The following LUZP2 variants were observed in gnomAD, a reference collection of about 807,000 sequenced individuals.
LUZP2 encodes the protein leucine zipper protein 2.
A neutral mutation model predicts 51.6 loss-of-function variants in LUZP2; 52 were observed. That is an observed-to-expected ratio of 1.01 (90% CI 0.81 to 1.27). LUZP2 has a LOEUF of 1.27. Among genes scored for constraint, LUZP2 ranks in the 50% most tolerant of loss-of-function variants. LUZP2 has a pLI of 0.00. For missense variants in LUZP2, 436 were observed against 395.4 expected (o/e 1.10, Z -0.87); for synonymous variants, 154 against 137.3 (o/e 1.12, Z -0.85).
At chr11:24,531,406 C>G (rs955977630) in intron 1 of LUZP2, among the ~76,000 whole-genome samples, 1 of 150,690 alleles carries the variant, frequency 6.6e-6, no homozygotes, top group Non-Finnish European at 1.5e-5. Flanking sequence ...GCAAATATAT[C>G]ATCTCATTTA....
intron 10 of LUZP2, among the ~76,000 whole-genome samples, chr11:25,055,714 T>C (rs1001427886): frequency 4.6e-5 from 7 of 152,226 alleles, no homozygotes; most frequent in South Asian, 2.1e-4. Context: ...GGTTCAACAA[T>C]GACGAATGGA....
chr11:24,637,389 CG>C (rs1855140656), intron 1 of LUZP2, among the ~76,000 whole-genome samples: 5 of 151,672 alleles, frequency 3.3e-5, no homozygotes, highest in African/African-American at 1.2e-4. Context: ...GTTGGTAAAA[CG>C]TGTATTTGAA....
chr11:24,619,395 C>T (rs1447372925), intron 1 of LUZP2, among the ~76,000 whole-genome samples: 1 of 152,230 alleles, frequency 6.6e-6, no homozygotes, highest in East Asian at 1.9e-4. Flanking sequence ...CTGTACTAGA[C>T]TCCCAAATCC....
At chr11:24,820,232 G>C (rs1439157802) in intron 5 of LUZP2, among the ~76,000 whole-genome samples, 2 of 152,114 alleles carry the variant, frequency 1.3e-5, no homozygotes, top group African/African-American at 4.8e-5. Context: ...GGTGGCACTG[G>C]TGCCATGTCA....
At chr11:24,693,905 G>A (rs1263131261) in intron 1 of LUZP2, among the ~76,000 whole-genome samples, 2 of 151,890 alleles carry the variant, frequency 1.3e-5, no homozygotes, top group Admixed American at 6.6e-5. Context: ...AGGCAGTGTA[G>A]AGCAAACAGA....
chr11:24,757,991 C>T (rs1415456092), intron 4 of LUZP2, among the ~76,000 whole-genome samples: 1 of 151,994 alleles, frequency 6.6e-6, no homozygotes, highest in East Asian at 1.9e-4. Context: ...TTTTCAATGA[C>T]CAATTAATTC....
chr11:24,835,389 A>AT (rs926789964), intron 5 of LUZP2, among the ~76,000 whole-genome samples: 6 of 152,074 alleles, frequency 3.9e-5, no homozygotes, highest in Non-Finnish European at 8.8e-5. Flanking sequence ...CATTCAGGAC[A>AT]TAGGCATGGG....
chr11:24,913,669 TTGTG>T (rs35901522), intron 6 of LUZP2, among the ~76,000 whole-genome samples: 38 of 148,538 alleles, frequency 2.6e-4, no homozygotes, highest in African/African-American at 5.7e-4. Context: ...ATCTATTTAT[TTGTG>T]TGTGTGTGTG....
At chr11:24,737,498 G>A (rs537824360) in intron 3 of LUZP2, among the ~76,000 whole-genome samples, 28 of 108,960 alleles carry the variant, frequency 2.6e-4, no homozygotes, top group Middle Eastern at 4.9e-3. Context: ...GTGATAGCTC[G>A]AGTAAAAAAA....
At chr11:24,981,711 T>A (rs899730124) in intron 8 of LUZP2, among the ~76,000 whole-genome samples, 2 of 151,820 alleles carry the variant, frequency 1.3e-5, no homozygotes, top group African/African-American at 2.4e-5. Flanking sequence ...CGAGTAGAGA[T>A]ATAGGCTAAT....
At chr11:25,051,019 T>G (rs1858493443) in intron 10 of LUZP2, among the ~76,000 whole-genome samples, 1 of 152,202 alleles carries the variant, frequency 6.6e-6, no homozygotes, top group Non-Finnish European at 1.5e-5. Context: ...ACAACAATTG[T>G]GTTCAAAATT....
intron 9 of LUZP2, among the ~76,000 whole-genome samples, chr11:24,995,086 T>C (rs1264994299): frequency 6.6e-6 from 1 of 152,238 alleles, no homozygotes; most frequent in East Asian, 1.9e-4. Context: ...ATATAGGTTT[T>C]GCTTTTAAAA....
intron 1 of LUZP2, among the ~76,000 whole-genome samples, chr11:24,658,708 G>C (rs1855906098): frequency 6.6e-6 from 1 of 151,900 alleles, no homozygotes; most frequent in South Asian, 2.1e-4. Context: ...AATCTACAAT[G>C]AACTCAAACA....
intron 1 of LUZP2, among the ~76,000 whole-genome samples, chr11:24,671,561 T>TACACACACAC (rs61319296): frequency 6.8e-5 from 10 of 148,026 alleles, no homozygotes; most frequent in African/African-American, 2.5e-4. Flanking sequence ...CTCTCTGTCT[T>TACACACACAC]ACACACACAC....
At chr11:24,501,779 C>A (rs1487891913) in intron 1 of LUZP2, among the ~76,000 whole-genome samples, 3 of 152,118 alleles carry the variant, frequency 2.0e-5, no homozygotes, top group Non-Finnish European at 4.4e-5. Context: ...TATGTATATC[C>A]ATAATCTAGT....
chr11:24,943,897 A>T (rs1227455576), intron 7 of LUZP2, among the ~76,000 whole-genome samples: 2 of 143,664 alleles, frequency 1.4e-5, no homozygotes, highest in Non-Finnish European at 3.0e-5. Context: ...AAAAAAAAAA[A>T]TCATTAAGTG....
intron 1 of LUZP2, among the ~76,000 whole-genome samples, chr11:24,674,775 C>T (rs79661086): frequency 0.015 from 2,294 of 152,274 alleles, 48 homozygotes; most frequent in African/African-American, 0.046. Context: ...TTCTCCCTCT[C>T]CTGCCTGCTC....
chr11:24,882,969 A>G (rs544032260), intron 5 of LUZP2, among the ~76,000 whole-genome samples: 1 of 150,114 alleles, frequency 6.7e-6, no homozygotes, highest in African/African-American at 2.5e-5. Flanking sequence ...AAAGAGAAAG[A>G]AAGATGGAGG....
In LUZP2 at chr11:24,738,241, A is replaced by G; in HGVS notation, c.272A>G (p.Gln91Arg). 6.2e-7 allele frequency: 1 copy of G among 1,611,562 alleles called. No homozygotes were observed. The highest frequency in any genetic ancestry group is 8.5e-7 in the Non-Finnish European group (1 of 1,178,122). The part of the protein sequence containing the change: ...QKQREEMKSL[Q>R]EALQNQLKET... ...AATAGAGAAGAAATGAAGTCTCTTC[A>G]GGAGGCCCTGCAAAATCAGCTTAAG... Residue 91 changes from glutamine to arginine, a missense_variant, in exon 4 of 12, where the codon CAG (glutamine) becomes CGG (arginine). Physicochemically the swap from Gln to Arg is conservative, Grantham distance 43 (BLOSUM62 1). Transcript: ENST00000336930.
Sources: allele counts gnomAD v4.1 joint callset (sites outside exome capture counted in the v4.1 genomes callset), GRCh38; gene constraint gnomAD v4.1.1; transcripts MANE v1.5; gene names NCBI Gene and HGNC (gene_info 2026-07-23, HGNC 2026-07-21).